The following ACBD5 variants were observed in gnomAD, a reference collection of about 807,000 sequenced individuals.
ACBD5 encodes the protein acyl-CoA-binding domain-containing protein 5.
Under a neutral mutation model 71.8 loss-of-function variants are expected in ACBD5, and 40 were observed. The ratio of observed to expected loss-of-function variants is 0.56; its 90% confidence interval spans 0.43 to 0.72. The LOEUF (loss-of-function observed/expected upper bound fraction) is 0.72, where lower values mean the gene tolerates loss of function less well. Ranked by LOEUF, ACBD5 falls within the 30% of genes least tolerant of loss-of-function variation. The probability of loss-of-function intolerance (pLI) is 0.00; values close to 1 mark genes in which losing one functional copy is unlikely to be tolerated. For synonymous variants in ACBD5, 229 were observed against 218.6 expected, an observed-to-expected ratio of 1.05 and a Z score of -0.42; for missense variants, 559 against 644.5, an observed-to-expected ratio of 0.87 and a Z score of 1.44.
chr10:27,236,937 C>T (rs1001846811), intron 2 of ACBD5, among the ~76,000 whole-genome samples: 1 of 142,536 alleles, frequency 7.0e-6, no homozygotes, highest in African/African-American at 2.6e-5. Context: ...CAGAGATAAA[C>T]TGAGAACTAG....
chr10:27,225,818 TCA>T (rs2062942354), intron 4 of ACBD5, among the ~76,000 whole-genome samples: 2 of 152,020 alleles, frequency 1.3e-5, no homozygotes, highest in South Asian at 4.2e-4. Flanking sequence ...TATAAAGACT[TCA>T]GTTAGCAGAA....
chr10:27,189,410 G>C (rs2058964360), intron 13 of ACBD5, among the ~76,000 whole-genome samples: 2 of 152,178 alleles, frequency 1.3e-5, no homozygotes, highest in African/African-American at 4.8e-5. Context: ...GACAGCCAAG[G>C]TGGGATGATT....
At chr10:27,239,550 A>G (rs2065187684) in intron 2 of ACBD5, among the ~76,000 whole-genome samples, 1 of 152,236 alleles carries the variant, frequency 6.6e-6, no homozygotes, top group African/African-American at 2.4e-5. Context: ...ATATGAGTAT[A>G]AAAAAGAACA....
chr10:27,199,864 C>A (rs1273728860), intron 12 of ACBD5, among the ~76,000 whole-genome samples: 2 of 152,062 alleles, frequency 1.3e-5, no homozygotes, highest in African/African-American at 4.8e-5. Flanking sequence ...TGGTGGCGGG[C>A]GCCTGTAGTC....
intron 12 of ACBD5, 144 bp downstream of exon 12, chr10:27,204,296 T>G: frequency 1.5e-6 from 1 of 669,080 alleles, no homozygotes; most frequent in Non-Finnish European, 2.7e-6. Flanking sequence ...CCAAGGCAGT[T>G]TCAGTCTCAG....
chr10:27,201,308 C>G (rs2059906323), intron 12 of ACBD5, among the ~76,000 whole-genome samples: 1 of 152,202 alleles, frequency 6.6e-6, no homozygotes, highest in Non-Finnish European at 1.5e-5. Context: ...CCACAGGAGA[C>G]TGTTCAGGGC....
At position 27,183,576 on chromosome 10, in the gene ACBD5, G is replaced by A. The variant is rs190729443; in HGVS notation, c.1494-861C>T. Among the ~76,000 whole-genome samples, 588 of 152,172 alleles carry A rather than the reference G, an allele frequency of 3.9e-3. 5 individuals are homozygous for A. Among genetic ancestry groups the A allele is most frequent in the Non-Finnish European group, 6.3e-3 (428 of 67,998 alleles). ...GGGATTTTAAAATTCCTTTTGTAAC[G>A]AGGTATGGTAATATAGAGAAAAGCA... On this transcript the variant is annotated intron_variant, in intron 13 of 13. Transcript: ENST00000676511.
At chr10:27,202,594 T>G (rs1195189218) in intron 12 of ACBD5, among the ~76,000 whole-genome samples, 2 of 150,522 alleles carry the variant, frequency 1.3e-5, no homozygotes, top group Admixed American at 6.6e-5. Context: ...GTTTGTTTTT[T>G]CAATCTTTAA....
rs1052933536 is a variant in ACBD5, at chr10:27,240,706, G to C, written c.-18C>G. The stretch of plus-strand genomic sequence containing the variant: ...AAGAGCATGTCTAGCAGAAGACAGA[G>C]GGGGTCCGGGCATCGGTGGCCGCGG... On this transcript the variant is annotated 5_prime_UTR_variant, in exon 1 of 13. Coordinates refer to ENST00000396271, the MANE Select transcript of ACBD5 (RefSeq NM_145698.5). The surrounding 1 kb of genome is among the most constrained non-coding windows in gnomAD (Gnocchi z 4.1). 6.4e-7 allele frequency: 1 copy of C among 1,550,564 alleles called. No homozygotes were observed. The highest frequency in any genetic ancestry group is 2.0e-5 in the Admixed American group (1 of 50,986).
At chr10:27,208,099 T>C in intron 10 of ACBD5, 147 bp downstream of exon 10, 1 of 842,406 alleles carries the variant, frequency 1.2e-6, no homozygotes, top group African/African-American at 1.7e-5. Context: ...GGTCAGTCTT[T>C]TCTTAAACAA....
At chr10:27,200,551 TC>T (rs2059814517) in intron 12 of ACBD5, among the ~76,000 whole-genome samples, 2 of 152,028 alleles carry the variant, frequency 1.3e-5, no homozygotes, top group South Asian at 4.2e-4. Context: ...TTCAAGCAAT[TC>T]CCCTGCCTCA....
chr10:27,191,553 T>G (rs1234913389), downstream of ACBD5, among the ~76,000 whole-genome samples: 2 of 152,136 alleles, frequency 1.3e-5, no homozygotes, highest in African/African-American at 4.8e-5. Flanking sequence ...GGAGCTCTAC[T>G]TTCCACTTGA....
chr10:27,208,144 T>A, intron 10 of ACBD5, 102 bp downstream of exon 10: 1 of 1,245,356 alleles, frequency 8.0e-7, no homozygotes. Context: ...TCTAAAAAAA[T>A]CAGTAAAATA....
At chr10:27,190,152 G>A (rs554591453) in intron 13 of ACBD5, among the ~76,000 whole-genome samples, 27 of 152,198 alleles carry the variant, frequency 1.8e-4, no homozygotes, top group Admixed American at 7.9e-4. Context: ...AGGCATGATG[G>A]TGCGCGCCAG....
intron 9 of ACBD5, among the ~76,000 whole-genome samples, chr10:27,210,014 A>G (rs1405081424): frequency 6.6e-6 from 1 of 152,242 alleles, no homozygotes; most frequent in East Asian, 1.9e-4. Flanking sequence ...GACAGATTCC[A>G]AAAAGAATCA....
chr10:27,214,236 A>G (rs977413412), intron 8 of ACBD5, among the ~76,000 whole-genome samples: 1 of 152,214 alleles, frequency 6.6e-6, no homozygotes, highest in South Asian at 2.1e-4. Context: ...AGGGAGTACA[A>G]TTGGAATGTT....
rs1589284961 is a variant in ACBD5 at position 27,227,492 on chromosome 10, C to T, written c.376-4040G>A. ...GCACTTCTAACCTTTTGAAGAGTGACCTAGATATCACTTCTGAGTATGCTG... is the reference window on the plus strand; with the variant it reads ...GCACTTCTAACCTTTTGAAGAGTGATCTAGATATCACTTCTGAGTATGCTG... On this transcript the variant is annotated intron_variant, in intron 4 of 12. Coordinates refer to ENST00000396271, the MANE Select transcript of ACBD5 (RefSeq NM_145698.5). Among the ~76,000 whole-genome samples, 6 of 152,244 alleles carry T rather than the reference C, an allele frequency of 3.9e-5. 1 individual carries two copies. The South Asian group carries it at 1.2e-3, about 32-fold the overall frequency.
At chr10:27,186,505 A>G in intron 13 of ACBD5, 1 of 1,614,126 alleles carries the variant, frequency 6.2e-7, no homozygotes, top group African/African-American at 1.3e-5. Context: ...AATACTGCTC[A>G]GCACCTGACT....
chr10:27,188,624 A>T (rs565117120), intron 13 of ACBD5, among the ~76,000 whole-genome samples: 1 of 152,336 alleles, frequency 6.6e-6, no homozygotes, highest in South Asian at 2.1e-4. Context: ...CCTTGAGTGG[A>T]AAGTTACACT....
Sources: allele counts gnomAD v4.1 joint callset (sites outside exome capture counted in the v4.1 genomes callset), GRCh38; gene constraint gnomAD v4.1.1; non-coding constraint Gnocchi (gnomAD v3.1); transcripts MANE v1.5; gene names NCBI Gene and HGNC (gene_info 2026-07-23, HGNC 2026-07-21).